Variants in LRP1B observed in about 807,000 individuals in gnomAD.
LRP1B encodes the protein LDL receptor related protein 1B.
Under a neutral mutation model 556.6 loss-of-function variants are expected in LRP1B, and 217 were observed. That is an observed-to-expected ratio of 0.39 (90% CI 0.35 to 0.44). The LOEUF (loss-of-function observed/expected upper bound fraction) is 0.44. Ranked by LOEUF, LRP1B falls within the 20% of genes least tolerant of loss-of-function variation. The pLI is 1.00. For synonymous variants in LRP1B, 2,047 were observed against 1,865.8 expected, an observed-to-expected ratio of 1.10 and a Z score of -2.50; for missense variants, 5,053 against 5,620.8, an observed-to-expected ratio of 0.90 and a Z score of 3.23.
chr2:141,544,389 TCCTCCTCCTCCTCCTCCTCC>T (rs1685469525), intron 2 of LRP1B, among the ~76,000 whole-genome samples: 1 of 92,128 alleles, frequency 1.1e-5, no homozygotes, highest in African/African-American at 3.3e-5. Flanking sequence ...CTTCTCCTCC[TCCTCCTCCTCCTCCTCCTCC>T]TCCTTCTCCT....
At chr2:140,688,124 T>TA (rs932701037) in intron 41 of LRP1B, among the ~76,000 whole-genome samples, 58 of 148,928 alleles carry the variant, frequency 3.9e-4, no homozygotes, top group South Asian at 6.4e-4. Context: ...GTCAAAACTA[T>TA]AAAAAAAAAA....
intron 2 of LRP1B, among the ~76,000 whole-genome samples, chr2:141,493,596 C>T (rs763400692): frequency 3.3e-5 from 5 of 152,152 alleles, no homozygotes; most frequent in Non-Finnish European, 7.3e-5. Context: ...AAATGAGAGA[C>T]ATCACAGGCA....
intron 1 of LRP1B, among the ~76,000 whole-genome samples, chr2:141,924,389 C>T (rs1318864953): frequency 6.6e-6 from 1 of 152,122 alleles, no homozygotes; most frequent in Non-Finnish European, 1.5e-5. Context: ...CTCCACCATT[C>T]CATAAAACCT....
intron 1 of LRP1B, among the ~76,000 whole-genome samples, chr2:141,873,263 T>C (rs543931565): frequency 2.6e-5 from 4 of 151,974 alleles, no homozygotes; most frequent in African/African-American, 9.6e-5. Flanking sequence ...TGAGACCAGA[T>C]TGGGCAACAT....
intron 2 of LRP1B, among the ~76,000 whole-genome samples, chr2:141,519,360 G>GAGATATATATATATATAT (rs1366593169): frequency 1.5e-5 from 1 of 68,302 alleles, no homozygotes; most frequent in African/African-American, 5.7e-5. Flanking sequence ...TTAAGTCAAT[G>GAGATATATATATATATAT]ATATATATAT....
chr2:140,483,155 C>G (rs948831742), intron 59 of LRP1B, among the ~76,000 whole-genome samples: 2 of 152,022 alleles, frequency 1.3e-5, no homozygotes, highest in African/African-American at 4.8e-5. Flanking sequence ...CCAACTTTTA[C>G]CTTTTTCTTT....
At chr2:140,697,091 T>C (rs1686456709) in intron 41 of LRP1B, among the ~76,000 whole-genome samples, 1 of 152,168 alleles carries the variant, frequency 6.6e-6, no homozygotes, top group Admixed American at 6.6e-5. Flanking sequence ...TCGACCGATG[T>C]TTCAAACTCT....
intron 6 of LRP1B, among the ~76,000 whole-genome samples, chr2:141,189,299 A>G (rs1477109311): frequency 1.3e-5 from 2 of 151,960 alleles, no homozygotes; most frequent in African/African-American, 2.4e-5. Flanking sequence ...AGACTTGAGT[A>G]TGGGATTTCA....
At chr2:140,655,161 A>T (rs1364224404) in intron 41 of LRP1B, among the ~76,000 whole-genome samples, 1 of 152,104 alleles carries the variant, frequency 6.6e-6, no homozygotes, top group Admixed American at 6.6e-5. Flanking sequence ...TGCTCAAGAA[A>T]TTTTTAATCT....
intron 3 of LRP1B, among the ~76,000 whole-genome samples, chr2:141,375,973 G>A (rs72846098): frequency 1.1e-3 from 171 of 152,252 alleles, no homozygotes; most frequent in South Asian, 2.1e-3. Context: ...AGCAGTGTGG[G>A]CAAGAAGCTG....
intron 6 of LRP1B, among the ~76,000 whole-genome samples, chr2:141,223,568 T>A (rs971255775): frequency 1.3e-5 from 2 of 152,134 alleles, no homozygotes; most frequent in African/African-American, 4.8e-5. Context: ...AGAGCCTGTA[T>A]AACTAAGCCA....
chr2:141,058,637 C>G (rs1264156579), intron 9 of LRP1B, among the ~76,000 whole-genome samples: 2 of 151,744 alleles, frequency 1.3e-5, no homozygotes, highest in Admixed American at 1.3e-4. Context: ...ACTGAAAGCC[C>G]CTTCCTGAAT....
intron 23 of LRP1B, among the ~76,000 whole-genome samples, chr2:140,901,174 A>G (rs894745241): frequency 2.0e-5 from 3 of 151,986 alleles, no homozygotes; most frequent in Non-Finnish European, 4.4e-5. Context: ...AGTGGGGAAG[A>G]ACAATGAACA....
chr2:141,512,900 C>G (rs1684180302), intron 2 of LRP1B, among the ~76,000 whole-genome samples: 1 of 152,078 alleles, frequency 6.6e-6, no homozygotes, highest in South Asian at 2.1e-4. Flanking sequence ...TCTAAGTACT[C>G]TAGGACAGCA....
chr2:140,453,361 C>T (rs1167236532), intron 62 of LRP1B, among the ~76,000 whole-genome samples: 1 of 151,944 alleles, frequency 6.6e-6, no homozygotes, highest in Non-Finnish European at 1.5e-5. Context: ...AGGAAGATCT[C>T]TTCTATTTCA....
chr2:142,090,465 T>G (rs530144855), intron 1 of LRP1B, among the ~76,000 whole-genome samples: 2 of 152,234 alleles, frequency 1.3e-5, no homozygotes, highest in African/African-American at 4.8e-5. Context: ...ACAAACATTG[T>G]GGGTACAGAG....
At chr2:140,641,620 G>A (rs1163495082) in intron 41 of LRP1B, among the ~76,000 whole-genome samples, 1 of 152,112 alleles carries the variant, frequency 6.6e-6, no homozygotes, top group East Asian at 1.9e-4. Context: ...GCTCTGTGAG[G>A]GAAGGCACCT....
At chr2:140,278,740 T>G (rs910294542) in intron 84 of LRP1B, among the ~76,000 whole-genome samples, 1 of 152,002 alleles carries the variant, frequency 6.6e-6, no homozygotes, top group Non-Finnish European at 1.5e-5. Context: ...TTTTTTCCCC[T>G]CTAAAAATGG....
At chr2:140,404,626 T>C (rs1684654169) in intron 66 of LRP1B, among the ~76,000 whole-genome samples, 1 of 152,176 alleles carries the variant, frequency 6.6e-6, no homozygotes, top group African/African-American at 2.4e-5. Flanking sequence ...ACTTAAAAGA[T>C]ATAGAATGGA....
Sources: allele counts gnomAD v4.1 joint callset (sites outside exome capture counted in the v4.1 genomes callset), GRCh38; gene constraint gnomAD v4.1.1; transcripts MANE v1.5; gene names NCBI Gene and HGNC (gene_info 2026-07-23, HGNC 2026-07-21).